The following TMTC1 variants were observed in gnomAD, a reference collection of about 807,000 sequenced individuals.
TMTC1 encodes transmembrane O-mannosyltransferase targeting cadherins 1.
In TMTC1, 73 loss-of-function variants were observed where a neutral mutation model predicts 104.8. The ratio of observed to expected loss-of-function variants is 0.70; its 90% CI spans 0.58 to 0.85. TMTC1 has a LOEUF of 0.85. TMTC1 is among the 40% of genes least tolerant of loss of function. The probability of loss-of-function intolerance (pLI) is 0.00; values close to 1 mark genes in which losing one functional copy is unlikely to be tolerated. For synonymous variants in TMTC1, 434 were observed against 428.7 expected, an observed-to-expected ratio of 1.01 and a Z score of -0.15; for missense variants, 1,035 against 1,096.1, an observed-to-expected ratio of 0.94 and a Z score of 0.79.
intron 5 of TMTC1, among the ~76,000 whole-genome samples, chr12:29,633,688 C>T (rs1938411531): frequency 6.6e-6 from 1 of 152,114 alleles, no homozygotes; most frequent in Admixed American, 6.5e-5. Flanking sequence ...CTTAACAGTG[C>T]CCAGAATTCT....
At chr12:29,589,949 G>A (rs961945957) in intron 7 of TMTC1, among the ~76,000 whole-genome samples, 10 of 152,208 alleles carry the variant, frequency 6.6e-5, no homozygotes, top group African/African-American at 2.4e-4. Flanking sequence ...AGCCCCAGAA[G>A]CTAGGAATGG....
At chr12:29,511,909 C>G (rs1256179721) in intron 17 of TMTC1, 134 bp downstream of exon 17, 1 of 879,254 alleles carries the variant, frequency 1.1e-6, no homozygotes, top group Admixed American at 1.8e-5. Context: ...CACTTTTAAA[C>G]TGCCATACTT....
At chr12:29,618,332 G>A (rs946627696) in intron 6 of TMTC1, among the ~76,000 whole-genome samples, 60 of 152,254 alleles carry the variant, frequency 3.9e-4, no homozygotes, top group African/African-American at 1.3e-3. Flanking sequence ...CATGTATATA[G>A]ATGACACTTT....
At chr12:29,536,753 C>T (rs559134288) in intron 10 of TMTC1, among the ~76,000 whole-genome samples, 2 of 145,760 alleles carry the variant, frequency 1.4e-5, no homozygotes, top group East Asian at 4.1e-4. Flanking sequence ...CCTAGGGTGG[C>T]TGTACCTTCC....
At chr12:29,575,071 T>C (rs2136308253) in intron 8 of TMTC1, among the ~76,000 whole-genome samples, 1 of 152,146 alleles carries the variant, frequency 6.6e-6, no homozygotes, top group East Asian at 1.9e-4. Flanking sequence ...TTATCCTTTG[T>C]AGCTGCTTCA....
intron 8 of TMTC1, among the ~76,000 whole-genome samples, chr12:29,582,356 C>T (rs1946005405): frequency 6.6e-6 from 1 of 152,200 alleles, no homozygotes; most frequent in African/African-American, 2.4e-5. Context: ...AGGGGCTCTG[C>T]CTGCCCTAGC....
intron 5 of TMTC1, among the ~76,000 whole-genome samples, chr12:29,696,790 G>A (rs985871365): frequency 1.3e-5 from 2 of 152,058 alleles, no homozygotes; most frequent in African/African-American, 4.8e-5. Flanking sequence ...AAGGTATTTT[G>A]TGCAAATTAA....
In TMTC1 at chr12:29,751,864, C is replaced by G. The variant is rs1310905410; in HGVS notation, c.740G>C (p.Gly247Ala). 2 of 1,568,374 alleles carry G rather than the reference C, an allele frequency of 1.3e-6. No homozygotes were observed. The highest frequency in any genetic ancestry group is 2.0e-4 in the Middle Eastern group (1 of 5,116). Reference protein sequence around the residue: ...LSNKQDKSSNGALCPRSPQQP... With the variant: ...LSNKQDKSSNAALCPRSPQQP... ...CTGTGGGCTGCGTGGACAGAGGGCC[C>G]CATTGCTCCTGTTGTGCATGGAATT... is the stretch of plus-strand genomic sequence containing the variant. The change falls in exon 5 of 18, where the codon GGG becomes GCG. Residue 247 changes from glycine to alanine, a missense_variant. By Grantham distance (60) the Gly-to-Ala change is moderately conservative. Transcript: ENST00000539277.
At chr12:29,643,430 G>GATATATAT (rs140009038) in intron 5 of TMTC1, among the ~76,000 whole-genome samples, 2 of 121,110 alleles carry the variant, frequency 1.7e-5, no homozygotes, top group African/African-American at 3.1e-5. Context: ...GATAAACTGT[G>GATATATAT]ATATATATAT....
At chr12:29,612,156 C>T (rs1450589820) in intron 6 of TMTC1, among the ~76,000 whole-genome samples, 1 of 152,098 alleles carries the variant, frequency 6.6e-6, no homozygotes, top group Non-Finnish European at 1.5e-5. Flanking sequence ...CCTTCTCTAC[C>T]ATCTGACTTC....
chr12:29,645,049 A>C (rs1939205582), intron 5 of TMTC1, among the ~76,000 whole-genome samples: 1 of 152,216 alleles, frequency 6.6e-6, no homozygotes, highest in Non-Finnish European at 1.5e-5. Context: ...GAAGCTCCTC[A>C]GGAGCAGTGA....
At chr12:29,740,842 G>A (rs1942805940) in intron 5 of TMTC1, among the ~76,000 whole-genome samples, 2 of 152,158 alleles carry the variant, frequency 1.3e-5, no homozygotes, top group Admixed American at 1.3e-4. Context: ...GAGATACTAT[G>A]AAGCCCCAGA....
intron 11 of TMTC1, chr12:29,533,035 C>T (rs1029942661): frequency 6.6e-6 from 1 of 152,144 alleles, no homozygotes; most frequent in African/African-American, 2.4e-5. Context: ...ACTACTCACA[C>T]CAGAATGCAT....
At chr12:29,561,114 GTT>G (rs1025150702) in intron 9 of TMTC1, among the ~76,000 whole-genome samples, 5 of 151,846 alleles carry the variant, frequency 3.3e-5, no homozygotes, top group African/African-American at 1.2e-4. Context: ...GAGCCTAGGA[GTT>G]TGAGGCTGCA....
At chr12:29,746,150 G>A (rs565478585) in intron 5 of TMTC1, among the ~76,000 whole-genome samples, 1 of 152,058 alleles carries the variant, frequency 6.6e-6, no homozygotes, top group African/African-American at 2.4e-5. Context: ...GAGGGATGTG[G>A]GATTTATTAA....
chr12:29,672,796 C>T (rs906934052), intron 5 of TMTC1, among the ~76,000 whole-genome samples: 1 of 152,198 alleles, frequency 6.6e-6, no homozygotes, highest in Non-Finnish European at 1.5e-5. Flanking sequence ...ACAGCTCCTC[C>T]TGAAATAGAT....
At chr12:29,675,589 T>TACACACACAC (rs10605906) in intron 5 of TMTC1, among the ~76,000 whole-genome samples, 8 of 116,626 alleles carry the variant, frequency 6.9e-5, no homozygotes, top group East Asian at 5.3e-4. Flanking sequence ...CACATGCAAA[T>TACACACACAC]ACACACACAC....
chr12:29,716,027 T>C (rs1942071146), intron 5 of TMTC1, among the ~76,000 whole-genome samples: 1 of 146,456 alleles, frequency 6.8e-6, no homozygotes, highest in East Asian at 2.0e-4. Flanking sequence ...TTATTATTAT[T>C]ATTATTTTAG....
intron 10 of TMTC1, among the ~76,000 whole-genome samples, chr12:29,541,656 C>CT (rs35079677): frequency 0.017 from 2,008 of 115,616 alleles, 56 homozygotes; most frequent in East Asian, 0.075. Flanking sequence ...TTCACTGTTG[C>CT]TTTTTTTTTT....
Sources: allele counts gnomAD v4.1 joint callset (sites outside exome capture counted in the v4.1 genomes callset), GRCh38; gene constraint gnomAD v4.1.1; transcripts MANE v1.5; gene names NCBI Gene and HGNC (gene_info 2026-07-23, HGNC 2026-07-21).